Variants in SPECC1 observed in about 807,000 individuals in gnomAD.
SPECC1 encodes sperm antigen with calponin homology and coiled-coil domains 1, also known as cytospin-B.
In SPECC1, 62 loss-of-function variants were observed where a neutral mutation model predicts 104.1. The ratio of observed to expected loss-of-function variants is 0.60; its 90% CI spans 0.49 to 0.74. The LOEUF is 0.74. Ranked by LOEUF, SPECC1 falls within the 30% of genes least tolerant of loss-of-function variation. The pLI, the probability that SPECC1 is intolerant of heterozygous loss-of-function variation, is 0.00. For missense variants in SPECC1, 1,306 were observed against 1,310.5 expected (o/e 1.00, Z 0.05); for synonymous variants, 513 against 501.6 (o/e 1.02, Z -0.30).
At chr17:20,032,832 C>T (rs976558938) in intron 1 of SPECC1, among the ~76,000 whole-genome samples, 4 of 151,960 alleles carry the variant, frequency 2.6e-5, no homozygotes, top group African/African-American at 9.7e-5. Flanking sequence ...CTATCATAAC[C>T]ACAGAAAGTA....
intron 12 of SPECC1, among the ~76,000 whole-genome samples, chr17:20,261,156 A>G (rs1334575062): frequency 1.3e-5 from 2 of 152,156 alleles, no homozygotes; most frequent in Non-Finnish European, 2.9e-5. Context: ...GTGGGAATGC[A>G]TGAAAGAATG....
chr17:20,121,756 A>C (rs779581791), intron 3 of SPECC1, among the ~76,000 whole-genome samples: 15 of 152,210 alleles, frequency 9.9e-5, no homozygotes, highest in Non-Finnish European at 1.9e-4. Context: ...TGCCTGCCCC[A>C]GGGTCAAGTG....
chr17:20,054,852 C>A (rs1024758356), intron 1 of SPECC1, among the ~76,000 whole-genome samples: 1 of 152,042 alleles, frequency 6.6e-6, no homozygotes, highest in African/African-American at 2.4e-5. Context: ...AGGGTTTCAC[C>A]ATGTTACCCA....
At chr17:20,041,853 C>A (rs917207504) in intron 1 of SPECC1, among the ~76,000 whole-genome samples, 7 of 151,552 alleles carry the variant, frequency 4.6e-5, no homozygotes, top group Non-Finnish European at 1.0e-4. Context: ...TCTCGATCTC[C>A]TGATCTTGTG....
intron 9 of SPECC1, among the ~76,000 whole-genome samples, chr17:20,248,003 T>C (rs1348709571): frequency 6.6e-6 from 1 of 152,194 alleles, no homozygotes. Flanking sequence ...GAAGTCTTTC[T>C]CTAAGTGCTT....
chr17:20,043,458 G>A (rs536945056), intron 1 of SPECC1, among the ~76,000 whole-genome samples: 1 of 152,284 alleles, frequency 6.6e-6, no homozygotes, highest in African/African-American at 2.4e-5. Context: ...CTTCCATGAA[G>A]AAGAGCTTTA....
chr17:20,298,964 T>A (rs2041460880), intron 13 of SPECC1, among the ~76,000 whole-genome samples: 1 of 80,902 alleles, frequency 1.2e-5, no homozygotes. Context: ...TGTGTGTGTG[T>A]GTGTGTGTAT....
chr17:20,136,213 C>T (rs186204832), intron 3 of SPECC1, among the ~76,000 whole-genome samples: 301 of 152,210 alleles, frequency 2.0e-3, no homozygotes, highest in African/African-American at 7.0e-3. Flanking sequence ...ATCACGAGGT[C>T]AGGAGTTCAA....
chr17:20,010,251 A>G (rs1369815382), intron 1 of SPECC1: 1 of 151,446 alleles, frequency 6.6e-6, no homozygotes, highest in African/African-American at 2.4e-5. Context: ...TACAGTTCGG[A>G]AAAAAATTTT....
chr17:20,311,386 T>G (rs113289452), intron 14 of SPECC1, among the ~76,000 whole-genome samples: 2,367 of 151,418 alleles, frequency 0.016, 41 homozygotes, highest in African/African-American at 0.047. Flanking sequence ...TTTTTTTTGT[T>G]TTTGTTTTTG....
intron 12 of SPECC1, among the ~76,000 whole-genome samples, chr17:20,273,657 G>C (rs748768186): frequency 1.3e-5 from 2 of 152,114 alleles, no homozygotes; most frequent in Non-Finnish European, 2.9e-5. Context: ...CATTCTTCCT[G>C]TTTTTAACCA....
chr17:20,214,641 G>A (rs982898784), intron 4 of SPECC1, among the ~76,000 whole-genome samples: 6 of 152,180 alleles, frequency 3.9e-5, no homozygotes, highest in Admixed American at 6.5e-5. Context: ...CTGAGTAGCT[G>A]GGATTACAGG....
chr17:20,070,826 G>GT (rs989292083), intron 1 of SPECC1, among the ~76,000 whole-genome samples: 20 of 119,104 alleles, frequency 1.7e-4, no homozygotes, highest in South Asian at 5.3e-4. Flanking sequence ...TTATAGTGGG[G>GT]TTTTTTTTTC....
chr17:20,306,120 T>C (rs756236175), intron 14 of SPECC1, 38 bp downstream of exon 14: 5 of 1,579,432 alleles, frequency 3.2e-6, no homozygotes, highest in African/African-American at 1.3e-5. Context: ...ATACTTTAAT[T>C]GTATGAGAAA....
At chr17:20,042,902 T>C (rs1204429417) in intron 1 of SPECC1, among the ~76,000 whole-genome samples, 1 of 152,168 alleles carries the variant, frequency 6.6e-6, no homozygotes, top group East Asian at 1.9e-4. Flanking sequence ...AACCTTCTTA[T>C]ATTTGTTTTA....
At position 20,205,828 on chromosome 17, in the gene SPECC1, A is replaced by G. The variant is rs1410805296; in HGVS notation, c.1779A>G (p.Leu593=). 21 of 1,614,202 alleles carry G rather than the reference A, an allele frequency of 1.3e-5. No individual in the cohort carries two copies. The highest frequency in any genetic ancestry group is 1.7e-5 in the Non-Finnish European group (20 of 1,180,038). Residue 593 remains leucine (L), a synonymous_variant, in exon 4 of 15, where the codon CTA becomes CTG. Transcript: ENST00000395527. ...AAGTAGCCCGAGCAGAGAAAGATCT[A>G]CTGGAACTGTCTTGCAATGAGCTCA... ...MLKVARAEKD[L]LELSCNELRQ...
At chr17:20,239,804 C>T (rs138499071) in intron 7 of SPECC1, among the ~76,000 whole-genome samples, 2 of 150,964 alleles carry the variant, frequency 1.3e-5, no homozygotes, top group African/African-American at 4.9e-5. Flanking sequence ...TAGTGGAGAG[C>T]CTTGATCATA....
intron 8 of SPECC1, 88 bp from the exon 9 acceptor site, chr17:20,247,131 C>T: frequency 9.6e-7 from 1 of 1,038,540 alleles, no homozygotes; most frequent in Non-Finnish European, 1.4e-6. Context: ...CCTTAAGCCA[C>T]CAAAAAAAGT....
chr17:20,025,238 C>T (rs1326952357), intron 1 of SPECC1, among the ~76,000 whole-genome samples: 1 of 152,106 alleles, frequency 6.6e-6, no homozygotes, highest in East Asian at 1.9e-4. Context: ...GCCTCAGGGC[C>T]CTCAGAAAGA....
Sources: allele counts gnomAD v4.1 joint callset (sites outside exome capture counted in the v4.1 genomes callset), GRCh38; gene constraint gnomAD v4.1.1; transcripts MANE v1.5; gene names NCBI Gene and HGNC (gene_info 2026-07-23, HGNC 2026-07-21).